CAMTA1: variants seen among roughly 807,000 people sequenced by gnomAD.
The protein encoded by CAMTA1 is calmodulin-binding transcription activator 1.
Under a neutral mutation model 170.9 loss-of-function variants are expected in CAMTA1, and 27 were observed. The observed-to-expected ratio is 0.16, with a 90% CI of 0.12 to 0.22. CAMTA1 has a LOEUF of 0.22. Among genes scored for constraint, CAMTA1 ranks in the 10% least tolerant of loss-of-function variants. The pLI, the probability that CAMTA1 is intolerant of heterozygous loss-of-function variation, is 1.00. For synonymous variants in CAMTA1, 833 were observed against 891.5 expected, an observed-to-expected ratio of 0.93 and a Z score of 1.17; for missense variants, 1,619 against 2,217.2, an observed-to-expected ratio of 0.73 and a Z score of 5.42.
At chr1:7,003,582 T>C (rs1698557028) in intron 3 of CAMTA1, among the ~76,000 whole-genome samples, 1 of 152,016 alleles carries the variant, frequency 6.6e-6, no homozygotes, top group Admixed American at 6.6e-5. Flanking sequence ...AGGGAGCTCC[T>C]GGACTTTATT....
At chr1:7,521,614 C>T (rs2094366636) in intron 6 of CAMTA1, among the ~76,000 whole-genome samples, 1 of 152,108 alleles carries the variant, frequency 6.6e-6, no homozygotes, top group South Asian at 2.1e-4. Flanking sequence ...ACAATCTCAG[C>T]TCACTGCAAC....
chr1:7,269,974 A>C (rs1314604463), intron 5 of CAMTA1, among the ~76,000 whole-genome samples: 1 of 152,190 alleles, frequency 6.6e-6, no homozygotes, highest in African/African-American at 2.4e-5. Flanking sequence ...CACATTACAA[A>C]GATAAGAATT....
intron 22 of CAMTA1, among the ~76,000 whole-genome samples, chr1:7,757,959 G>A (rs143729319): frequency 2.2e-3 from 335 of 151,662 alleles, no homozygotes; most frequent in African/African-American, 7.7e-3. Flanking sequence ...GCTCGGAGAC[G>A]TTTTTTTTGA....
chr1:7,391,527 C>T (rs763603005), intron 5 of CAMTA1, among the ~76,000 whole-genome samples: 2 of 152,112 alleles, frequency 1.3e-5, no homozygotes, highest in Non-Finnish European at 2.9e-5. Flanking sequence ...GTAAAAATTC[C>T]GACTTTCTGT....
At chr1:7,645,873 G>A (rs1461281770) in intron 7 of CAMTA1, among the ~76,000 whole-genome samples, 2 of 152,382 alleles carry the variant, frequency 1.3e-5, no homozygotes, top group South Asian at 2.1e-4. Flanking sequence ...CCACAGGCAC[G>A]AGTGTGTGGG....
intron 5 of CAMTA1, among the ~76,000 whole-genome samples, chr1:7,347,983 A>C (rs2084348546): frequency 6.6e-6 from 1 of 152,176 alleles, no homozygotes; most frequent in Admixed American, 6.5e-5. Flanking sequence ...GCCATAATTT[A>C]TTCAGCTTAG....
chr1:7,749,604 G>A (rs1487337283), intron 19 of CAMTA1, among the ~76,000 whole-genome samples: 4 of 149,616 alleles, frequency 2.7e-5, no homozygotes, highest in Middle Eastern at 3.5e-3. Context: ...ATTATTTTTG[G>A]AAAGAGTAAC....
intron 1 of CAMTA1, among the ~76,000 whole-genome samples, chr1:6,819,293 CA>C (rs1646208160): frequency 7.0e-6 from 1 of 142,010 alleles, no homozygotes; most frequent in African/African-American, 2.6e-5. Flanking sequence ...CGTCAATATT[CA>C]AAAAATTTTC....
intron 5 of CAMTA1, among the ~76,000 whole-genome samples, chr1:7,351,858 GT>G (rs2084699890): frequency 6.6e-6 from 1 of 152,196 alleles, no homozygotes; most frequent in Admixed American, 6.5e-5. Flanking sequence ...TAAACAGAGC[GT>G]TATTACTACC....
intron 6 of CAMTA1, among the ~76,000 whole-genome samples, chr1:7,599,449 C>T (rs974738460): frequency 6.6e-6 from 1 of 152,112 alleles, no homozygotes; most frequent in Non-Finnish European, 1.5e-5. Flanking sequence ...ATATGAACTT[C>T]AAAGTAGTGT....
rs369106826 is a variant in CAMTA1 at position 7,665,062 on chromosome 1, G to A, written c.2515G>A (p.Gly839Arg). ...GSLQLSSSEG[G>R]ASTMAYMHVA... ...CCTGCAGCTGAGCAGCTCGGAGGGC[G>A]GGGCCAGCACCATGGCCTACATGCA... Residue 839 changes from glycine (G) to arginine (R), a missense_variant, in exon 9 of 23, where the codon GGG (glycine) becomes AGG (arginine). Physicochemically the swap from Gly to Arg is moderately radical, Grantham distance 125. Transcript: ENST00000303635. This position sits in a 1 kb window ranked among gnomAD's most constrained non-coding sequence, Gnocchi z 4.3. 3.1e-5 allele frequency: 49 copies of A among 1,572,402 alleles called. No individual in the cohort carries two copies. The highest frequency in any genetic ancestry group is 2.4e-4 in the African/African-American group (18 of 74,222).
rs181599344 is a variant in CAMTA1, at chr1:6,907,292, C to A, written c.234+82082C>A. On this transcript the variant is annotated intron_variant, in intron 3 of 22. Transcript: ENST00000303635. The stretch of plus-strand genomic sequence containing the variant: ...CTGGGATGGATGGAGGGACATAGTC[C>A]CTGACCTCTAGGAACTTTGTTGTAA... 2.5e-4 allele frequency among the ~76,000 whole-genome samples: 38 copies of A among 152,236 alleles called. No individual in the cohort carries two copies. The East Asian group carries it at 7.1e-3, about 29-fold the overall frequency.
chr1:6,945,093 T>G (rs1413542804), intron 3 of CAMTA1, among the ~76,000 whole-genome samples: 2 of 152,242 alleles, frequency 1.3e-5, no homozygotes, highest in African/African-American at 4.8e-5. Context: ...TGTTTACTGA[T>G]GTATCCTGTC....
intron 4 of CAMTA1, among the ~76,000 whole-genome samples, chr1:7,154,671 T>C (rs1646763159): frequency 6.6e-6 from 1 of 152,164 alleles, no homozygotes; most frequent in African/African-American, 2.4e-5. Flanking sequence ...GTTCCAGGCA[T>C]GTGACACCCA....
intron 5 of CAMTA1, among the ~76,000 whole-genome samples, chr1:7,417,111 G>T (rs1462642750): frequency 1.3e-5 from 2 of 152,256 alleles, no homozygotes; most frequent in African/African-American, 2.4e-5. Context: ...AACCGCAAAT[G>T]CTGCTGCCTG....
intron 4 of CAMTA1, among the ~76,000 whole-genome samples, chr1:7,119,102 C>T (rs1221344170): frequency 2.0e-5 from 3 of 152,196 alleles, no homozygotes; most frequent in South Asian, 2.1e-4. Context: ...CAGAGCTCTC[C>T]AAGGACCCCT....
At chr1:6,820,285 G>T (rs1377409042) in intron 2 of CAMTA1, 35 bp downstream of exon 2, 3 of 1,612,760 alleles carry the variant, frequency 1.9e-6, no homozygotes, top group Admixed American at 1.7e-5. Context: ...TTACAGGAAG[G>T]GGTGGGCTTG....
chr1:7,512,843 A>G (rs2077234), intron 6 of CAMTA1, among the ~76,000 whole-genome samples: 46,394 of 152,060 alleles, frequency 0.31, 7,462 homozygotes, highest in Non-Finnish European at 0.36. Flanking sequence ...CCAGGAGAAG[A>G]CTAGGTAGGA....
chr1:6,824,251 A>G (rs1311782790), intron 2 of CAMTA1, among the ~76,000 whole-genome samples: 1 of 152,178 alleles, frequency 6.6e-6, no homozygotes, highest in Non-Finnish European at 1.5e-5. Context: ...AAAGCTTGTG[A>G]GAAATTTTGA....
Sources: allele counts gnomAD v4.1 joint callset (sites outside exome capture counted in the v4.1 genomes callset), GRCh38; gene constraint gnomAD v4.1.1; non-coding constraint Gnocchi (gnomAD v3.1); transcripts MANE v1.5; gene names NCBI Gene and HGNC (gene_info 2026-07-23, HGNC 2026-07-21).